Variants in PTPRD observed in about 807,000 individuals in gnomAD.
PTPRD encodes protein tyrosine phosphatase receptor type D, also known as receptor-type tyrosine-protein phosphatase delta.
In PTPRD, 34 loss-of-function variants were observed where a neutral mutation model predicts 214.5. That is an observed-to-expected ratio of 0.16 (90% CI 0.12 to 0.21). The LOEUF (loss-of-function observed/expected upper bound fraction) is 0.21. Ranked by LOEUF, PTPRD falls within the 10% of genes least tolerant of loss-of-function variation. The probability of loss-of-function intolerance (pLI) is 1.00; values close to 1 mark genes in which losing one functional copy is unlikely to be tolerated. For synonymous variants in PTPRD, 1,128 were observed against 845.7 expected (o/e 1.33, Z -5.79); for missense variants, 2,545 against 2,398.7 (o/e 1.06, Z -1.27).
At chr9:8,739,100 G>T (rs1241747701) in intron 11 of PTPRD, among the ~76,000 whole-genome samples, 1 of 152,210 alleles carries the variant, frequency 6.6e-6, no homozygotes, top group Non-Finnish European at 1.5e-5. Context: ...TCTCCAATTT[G>T]TAAAACAGAC....
chr9:9,272,276 G>A (rs940581480), intron 9 of PTPRD, among the ~76,000 whole-genome samples: 1 of 150,924 alleles, frequency 6.6e-6, no homozygotes, highest in Non-Finnish European at 1.5e-5. Context: ...TGATATGCAG[G>A]CACACTTTAA....
intron 11 of PTPRD, among the ~76,000 whole-genome samples, chr9:8,823,223 C>G (rs545562968): frequency 6.6e-6 from 1 of 152,114 alleles, no homozygotes; most frequent in Admixed American, 6.6e-5. Context: ...CTTTGCCTGA[C>G]CTCTAAATGT....
chr9:9,561,256 C>G (rs2082872500), intron 8 of PTPRD, among the ~76,000 whole-genome samples: 1 of 152,106 alleles, frequency 6.6e-6, no homozygotes, highest in Non-Finnish European at 1.5e-5. Context: ...AGCCATGTTC[C>G]TTACACCACG....
At chr9:8,350,292 G>A (rs1012788376) in intron 39 of PTPRD, among the ~76,000 whole-genome samples, 1 of 152,090 alleles carries the variant, frequency 6.6e-6, no homozygotes, top group African/African-American at 2.4e-5. Flanking sequence ...GTACTTCACT[G>A]ATCTGGCAAA....
At chr9:8,849,514 C>A (rs1268855312) in intron 11 of PTPRD, among the ~76,000 whole-genome samples, 1 of 152,164 alleles carries the variant, frequency 6.6e-6, no homozygotes, top group Non-Finnish European at 1.5e-5. Context: ...GCGTGAGCCA[C>A]CGCGCCTGGT....
chr9:9,716,733 G>A (rs1015556200), intron 7 of PTPRD, among the ~76,000 whole-genome samples: 4 of 152,078 alleles, frequency 2.6e-5, no homozygotes, highest in African/African-American at 9.7e-5. Context: ...TGAGTTCCTT[G>A]TAGATTCTGG....
At chr9:8,569,514 C>G (rs976591649) in intron 14 of PTPRD, among the ~76,000 whole-genome samples, 4 of 152,084 alleles carry the variant, frequency 2.6e-5, no homozygotes, top group African/African-American at 9.7e-5. Flanking sequence ...ATTGGGCCTT[C>G]CAATTATCAC....
chr9:8,354,367 T>C (rs947218598), intron 39 of PTPRD, among the ~76,000 whole-genome samples: 1 of 152,166 alleles, frequency 6.6e-6, no homozygotes, highest in Non-Finnish European at 1.5e-5. Context: ...TGACTGGTAA[T>C]GGTTGTCCTA....
intron 7 of PTPRD, among the ~76,000 whole-genome samples, chr9:9,684,991 G>A (rs1466287719): frequency 7.3e-5 from 11 of 151,538 alleles, no homozygotes. Context: ...TTGATAGCCT[G>A]AAGCCCATGT....
chr9:8,331,304 CCAACAATTCCCATTAAGGTAAA>C (rs1840634365), intron 44 of PTPRD, among the ~76,000 whole-genome samples: 1 of 152,042 alleles, frequency 6.6e-6, no homozygotes, highest in South Asian at 2.1e-4. Flanking sequence ...AGGGGAGGTA[CCAACAATTCCCATTAAGGTAAA>C]ATTGGTAATT....
intron 3 of PTPRD, among the ~76,000 whole-genome samples, chr9:10,136,522 T>C (rs1296371591): frequency 6.6e-6 from 1 of 152,046 alleles, no homozygotes; most frequent in Non-Finnish European, 1.5e-5. Flanking sequence ...ATAGAAATTA[T>C]ACCAAACAAA....
chr9:8,947,192 G>T (rs1264392586), intron 11 of PTPRD, among the ~76,000 whole-genome samples: 1 of 151,446 alleles, frequency 6.6e-6, no homozygotes, highest in Non-Finnish European at 1.5e-5. Context: ...GGTTGGGCGT[G>T]GTGGCTCACG....
chr9:9,945,275 A>G (rs1000481828), intron 4 of PTPRD, among the ~76,000 whole-genome samples: 1 of 152,120 alleles, frequency 6.6e-6, no homozygotes, highest in Non-Finnish European at 1.5e-5. Context: ...CGGAGAAAAT[A>G]TGCCTGGAAG....
intron 42 of PTPRD, among the ~76,000 whole-genome samples, chr9:8,339,929 T>C (rs1850889118): frequency 2.0e-5 from 3 of 151,892 alleles, no homozygotes; most frequent in Admixed American, 2.0e-4. Flanking sequence ...CTTTATTCAA[T>C]GGGAGTGAAA....
At chr9:9,246,663 G>A (rs969698238) in intron 9 of PTPRD, among the ~76,000 whole-genome samples, 1 of 151,908 alleles carries the variant, frequency 6.6e-6, no homozygotes, top group Non-Finnish European at 1.5e-5. Flanking sequence ...ACACCATATA[G>A]CAGCCTCACT....
chr9:8,742,537 G>A (rs1443708088), intron 11 of PTPRD, among the ~76,000 whole-genome samples: 5 of 151,682 alleles, frequency 3.3e-5, no homozygotes, highest in Non-Finnish European at 5.9e-5. Context: ...ATGGGTAATA[G>A]GTTTTATTTA....
intron 9 of PTPRD, among the ~76,000 whole-genome samples, chr9:9,192,361 C>T (rs766559189): frequency 7.9e-5 from 12 of 152,036 alleles, no homozygotes; most frequent in African/African-American, 2.9e-4. Context: ...GCATGAGCCC[C>T]AAGCGAGGGA....
intron 4 of PTPRD, among the ~76,000 whole-genome samples, chr9:9,953,510 A>T (rs1036907869): frequency 6.6e-6 from 1 of 152,062 alleles, no homozygotes; most frequent in African/African-American, 2.4e-5. Context: ...ACACACACAC[A>T]CACACACACA....
chr9:8,925,877 T>TTTTA (rs1555530702), intron 11 of PTPRD, among the ~76,000 whole-genome samples: 1 of 149,588 alleles, frequency 6.7e-6, no homozygotes, highest in African/African-American at 2.5e-5. Flanking sequence ...TTTTTTTTTT[T>TTTTA]ACTGATCTCT....
Sources: gnomAD v4.1 joint callset for allele counts (sites outside exome capture counted in the v4.1 genomes callset) on GRCh38, gnomAD v4.1.1 for gene constraint, MANE v1.5 for transcripts, NCBI Gene and HGNC (gene_info 2026-07-23, HGNC 2026-07-21) for gene names.